Variants in CHIC1 observed in about 807,000 individuals in gnomAD.
The protein encoded by CHIC1 is cysteine rich hydrophobic domain 1.
In CHIC1, 7 loss-of-function variants were observed where a neutral mutation model predicts 18.5. The observed-to-expected ratio is 0.38, with a 90% CI of 0.22 to 0.71. CHIC1 has a LOEUF of 0.71. CHIC1 is among the 30% of genes least tolerant of loss of function. The probability of loss-of-function intolerance (pLI) is 0.49; values close to 1 mark genes in which losing one functional copy is unlikely to be tolerated. For missense variants in CHIC1, 159 were observed against 176.9 expected (o/e 0.90, Z 0.57); for synonymous variants, 77 against 73.5 (o/e 1.05, Z -0.25).
chrX:73,641,613 C>A (rs1459823828), intron 3 of CHIC1, among the ~76,000 whole-genome samples: 20 of 110,241 alleles, frequency 1.8e-4, no homozygotes, highest in Non-Finnish European at 3.8e-4. Context: ...GTGTGCTGCA[C>A]CCATTAACTC....
chrX:73,660,974 T>C (rs1362043409), intron 3 of CHIC1, among the ~76,000 whole-genome samples: 1 of 111,814 alleles, frequency 8.9e-6, no homozygotes, highest in African/African-American at 3.3e-5. Flanking sequence ...GTGCTAGTGG[T>C]GTTGCAGGGT....
At position 73,642,811 on chromosome X, in the gene CHIC1, G is replaced by C. The variant is rs778391309; in HGVS notation, c.508-36515G>C. On this transcript the variant is annotated intron_variant, in intron 3 of 5. Transcript: ENST00000373502. ...CCCATTGCTTGTTTTTCTCAGGTTT[G>C]TCAAAGATCAGACAGTTGTAGATAT... Among the ~76,000 whole-genome samples, 221 of 107,897 alleles carry C rather than the reference G, an allele frequency of 2.0e-3. 1 individual carries two copies. The highest frequency in any genetic ancestry group is 6.8e-3 in the African/African-American group (206 of 30,311). 93.7% of individuals were successfully genotyped at this position (107,897 alleles called of 115,157 possible).
At chrX:73,662,745 C>CT (rs1209254900) in intron 3 of CHIC1, among the ~76,000 whole-genome samples, 1 of 110,039 alleles carries the variant, frequency 9.1e-6, no homozygotes, top group Non-Finnish European at 1.9e-5. Context: ...AAGGAGAGAA[C>CT]ATTTGTAGTT....
chrX:73,673,639 A>C (rs969149140), intron 3 of CHIC1, among the ~76,000 whole-genome samples: 1 of 111,836 alleles, frequency 8.9e-6, no homozygotes, highest in African/African-American at 3.3e-5. Context: ...CAGCTTGAGG[A>C]GATTTTGGGC....
At chrX:73,655,334 C>T (rs1437906078) in intron 3 of CHIC1, among the ~76,000 whole-genome samples, 1 of 102,443 alleles carries the variant, frequency 9.8e-6, no homozygotes, top group African/African-American at 3.6e-5. Context: ...ACACTATATA[C>T]ACTATATATA....
At chrX:73,629,348 G>GT (rs747827573) in intron 3 of CHIC1, among the ~76,000 whole-genome samples, 21 of 111,375 alleles carry the variant, frequency 1.9e-4, no homozygotes, top group Non-Finnish European at 4.0e-4. Context: ...TGTTGCCTGT[G>GT]TTTTTTAAAA....
Position 73,681,795 on chromosome X carries a change from T to C in CHIC1, c.*790T>C, listed in dbSNP as rs1383398279. ...GCCCTTTGTAACAAGTGGACTAAAATTGAAATTATTATCTCAGATATTCTG... is the reference window on the plus strand; with the variant it reads ...GCCCTTTGTAACAAGTGGACTAAAACTGAAATTATTATCTCAGATATTCTG... On this transcript the variant is annotated 3_prime_UTR_variant, in exon 6 of 6. Coordinates refer to ENST00000373502, the MANE Select transcript of CHIC1 (RefSeq NM_001039840.4). The C allele has an allele frequency of 8.9e-6, 1 of 112,490 alleles. No homozygotes were observed. The highest frequency in any genetic ancestry group is 1.9e-5 in the Non-Finnish European group (1 of 52,970). 9.3% of individuals were successfully genotyped at this position (112,490 alleles called of 1,213,427 possible).
intron 3 of CHIC1, among the ~76,000 whole-genome samples, chrX:73,612,747 T>C (rs771149831): frequency 8.9e-6 from 1 of 112,472 alleles, no homozygotes; most frequent in African/African-American, 3.2e-5. Flanking sequence ...TCCTAGAGAA[T>C]GTTCCATGTG....
Position 73,678,343 on chromosome X carries a change from T to A in CHIC1, c.508-983T>A, listed in dbSNP as rs143710671. Among the ~76,000 whole-genome samples, 978 of 111,996 alleles carry A rather than the reference T, an allele frequency of 8.7e-3. 5 individuals carry two copies. Among genetic ancestry groups the A allele is most frequent in the African/African-American group, 0.031 (950 of 30,805 alleles). ...GGCACTGACATTGGCTTGCCCTGAG[T>A]ATGTCAGTCTTTGGACCATGGGTGG... On this transcript the variant is annotated intron_variant, in intron 3 of 5. Transcript: ENST00000373502.
chrX:73,627,467 GA>G (rs1010790858), intron 3 of CHIC1, among the ~76,000 whole-genome samples: 1 of 112,680 alleles, frequency 8.9e-6, no homozygotes, highest in African/African-American at 3.2e-5. Flanking sequence ...AAAAACCTTA[GA>G]AGCCTACCTG....
intron 3 of CHIC1, among the ~76,000 whole-genome samples, chrX:73,650,882 CA>C (rs916280829): frequency 9.0e-6 from 1 of 110,936 alleles, no homozygotes; most frequent in East Asian, 2.8e-4. Flanking sequence ...AGAGACACAA[CA>C]AAAAAAGGAA....
chrX:73,583,747 T>C (rs2057538705), intron 2 of CHIC1, among the ~76,000 whole-genome samples: 1 of 111,597 alleles, frequency 9.0e-6, no homozygotes, highest in Admixed American at 9.5e-5. Context: ...CTTCCAAGAA[T>C]GGAGGTAGTA....
chrX:73,581,532 ACTT>A (rs1417274302), intron 2 of CHIC1, among the ~76,000 whole-genome samples: 1 of 110,861 alleles, frequency 9.0e-6, no homozygotes, highest in Non-Finnish European at 1.9e-5. Flanking sequence ...ACTAATTCTC[ACTT>A]CTTATGTCTT....
intron 3 of CHIC1, among the ~76,000 whole-genome samples, chrX:73,668,368 G>C (rs2058014295): frequency 8.9e-6 from 1 of 111,925 alleles, no homozygotes; most frequent in Non-Finnish European, 1.9e-5. Context: ...TGTCATTTCA[G>C]CTATGTCAGC....
chrX:73,655,464 A>ATATATATACATATATACACAATATTGTG lies in CHIC1; in HGVS notation c.508-23854_508-23853insCATATATACACAATATTGTGTATATATA, dbSNP rs2057939852. On this transcript the variant is annotated intron_variant, in intron 3 of 5. Transcript: ENST00000373502. The stretch of plus-strand genomic sequence containing the variant: ...TATACATATATACACAATATTGTGT[A>ATATATATACATATATACACAATATTGTG]TATATATATACATATATACACAATA... Among the ~76,000 whole-genome samples, 10 of 16,001 alleles carry ATATATATACATATATACACAATATTGTG rather than the reference A, an allele frequency of 6.2e-4. 1 individual carries two copies. The highest frequency in any genetic ancestry group is 1.4e-3 in the Non-Finnish European group (8 of 5,577). The allele number at this position is 16,001 out of a possible 115,157, so 13.9% of individuals were successfully genotyped here.
rs746220351 is a variant in CHIC1, at chrX:73,579,720, A to T, written c.351+2259A>T. Among the ~76,000 whole-genome samples, 238 of 110,654 alleles carry T rather than the reference A, an allele frequency of 2.2e-3. 4 individuals carry two copies. The highest frequency in any genetic ancestry group is 7.2e-3 in the African/African-American group (221 of 30,717). On this transcript the variant is annotated intron_variant, in intron 2 of 5. Transcript: ENST00000373502. ...TTTGGCTCACTCTTTAGTACGTTCT[A>T]CCTTCCTATCCTGATCAATTGGAGT...
chrX:73,633,602 ATTAT>A (rs1358357238), intron 3 of CHIC1, among the ~76,000 whole-genome samples: 1 of 111,344 alleles, frequency 9.0e-6, no homozygotes, highest in Non-Finnish European at 1.9e-5. Context: ...GTTTTCCATC[ATTAT>A]TTATTTAAAT....
intron 1 of CHIC1, among the ~76,000 whole-genome samples, chrX:73,567,562 G>T (rs771407360): frequency 9.0e-6 from 1 of 110,756 alleles, no homozygotes; most frequent in South Asian, 3.8e-4. Context: ...TAGTCATGTT[G>T]CCTTCATCCT....
chrX:73,589,584 T>TA (rs2057571170), intron 3 of CHIC1, among the ~76,000 whole-genome samples: 1 of 111,027 alleles, frequency 9.0e-6, no homozygotes. Flanking sequence ...GTGTGTCCAT[T>TA]AACAGATTTA....
Sources: allele counts gnomAD v4.1 joint callset (sites outside exome capture counted in the v4.1 genomes callset), GRCh38; gene constraint gnomAD v4.1.1; transcripts MANE v1.5; gene names NCBI Gene and HGNC (gene_info 2026-07-23, HGNC 2026-07-21).